The following IP6K3 variants were observed in gnomAD, a reference collection of about 807,000 sequenced individuals.
The protein encoded by IP6K3 is inositol hexakisphosphate kinase 3, also known as ATP:1D-myo-inositol-hexakisphosphate phosphotransferase.
IP6K3 carries 20 observed loss-of-function variants against 28.8 expected under a neutral mutation model. The ratio of observed to expected loss-of-function variants is 0.70; its 90% CI spans 0.49 to 1.01. The LOEUF (loss-of-function observed/expected upper bound fraction) is 1.01. Among genes scored for constraint, IP6K3 ranks in the 50% least tolerant of loss-of-function variants. The pLI, the probability that IP6K3 is intolerant of heterozygous loss-of-function variation, is 0.00. For synonymous variants in IP6K3, 213 were observed against 221.3 expected (o/e 0.96, Z 0.33); for missense variants, 480 against 537.1 (o/e 0.89, Z 1.05).
At chr6:33,755,403 G>A in the IP6K3 span, among the ~76,000 whole-genome samples, 2 of 152,266 alleles carry the variant, frequency 1.3e-5, no homozygotes, top group Non-Finnish European at 2.9e-5. Context: ...GCAGTGCCGG[G>A]AAGGGCAGCC....
the IP6K3 span, among the ~76,000 whole-genome samples, chr6:33,755,362 C>T: frequency 6.6e-6 from 1 of 152,242 alleles, no homozygotes; most frequent in African/African-American, 2.4e-5. Context: ...AGTTCACCTT[C>T]CCAGACTGGG....
intron 4 of IP6K3, among the ~76,000 whole-genome samples, chr6:33,725,841 T>C (rs1434807881): frequency 6.6e-6 from 1 of 152,092 alleles, no homozygotes; most frequent in Non-Finnish European, 1.5e-5. Context: ...AGTTTATGAG[T>C]ATGTGAGCTT....
At chr6:33,756,339 T>A in the IP6K3 span, among the ~76,000 whole-genome samples, 1 of 151,774 alleles carries the variant, frequency 6.6e-6, no homozygotes, top group Non-Finnish European at 1.5e-5. Context: ...GGATTGCCAG[T>A]GTGTAGATGT....
the IP6K3 span, among the ~76,000 whole-genome samples, chr6:33,755,911 C>A: frequency 1.3e-5 from 2 of 152,214 alleles, no homozygotes; most frequent in East Asian, 3.8e-4. Flanking sequence ...GTCACCCAGG[C>A]TGGAGTGCAA....
intron 3 of IP6K3, among the ~76,000 whole-genome samples, chr6:33,727,143 G>A (rs1766149651): frequency 6.6e-6 from 1 of 152,198 alleles, no homozygotes; most frequent in Middle Eastern, 3.2e-3. Flanking sequence ...ATTAGAACAT[G>A]TTGCCCCCTT....
At position 33,725,505 on chromosome 6, in the gene IP6K3, C is replaced by A; in HGVS notation, c.701G>T (p.Arg234Leu). 6.2e-7 allele frequency: 1 copy of A among 1,613,918 alleles called. No homozygotes were observed. Among genetic ancestry groups the A allele is most frequent in the East Asian group, 2.2e-5 (1 of 44,888 alleles). Reference sequence around the variant, plus strand: ...GCTCTGCGCACACTTCCTCATGTGGCGGGCCTTCTTCTCCTCCGATGCATC... The same window carrying A: ...GCTCTGCGCACACTTCCTCATGTGGAGGGCCTTCTTCTCCTCCGATGCATC... ...GDDASEEKKARHMRKCAQSTS... is the reference protein window; with the variant it reads ...GDDASEEKKALHMRKCAQSTS... Residue 234 changes from arginine to leucine, a missense_variant, in exon 5 of 6, where the codon CGC becomes CTC. Physicochemically the swap from Arg to Leu is moderately radical, Grantham distance 102 (BLOSUM62 -2). Coordinates refer to ENST00000293756, the MANE Select transcript of IP6K3 (RefSeq NM_054111.5).
In IP6K3 at chr6:33,724,304, G is replaced by A. The variant is rs181293695; in HGVS notation, c.766-1117C>T. Among the ~76,000 whole-genome samples, 373 of 152,298 alleles carry A rather than the reference G, an allele frequency of 2.4e-3. 1 individual carries two copies. The highest frequency in any genetic ancestry group is 8.3e-3 in the African/African-American group (347 of 41,564). ...AAATCATCACACTCCATTCTCTTGAGGACTACATTCCCGGCTTTCCAAAGG... is the reference window on the plus strand; with the variant it reads ...AAATCATCACACTCCATTCTCTTGAAGACTACATTCCCGGCTTTCCAAAGG... On this transcript the variant is annotated intron_variant, in intron 5 of 5. Coordinates refer to ENST00000293756, the MANE Select transcript of IP6K3 (RefSeq NM_054111.5).
intron 1 of IP6K3, among the ~76,000 whole-genome samples, chr6:33,739,843 C>T (rs1766656640): frequency 6.6e-6 from 1 of 152,242 alleles, no homozygotes; most frequent in African/African-American, 2.4e-5. Context: ...CTGGAGCTTG[C>T]TGAGGCCTGA....
Position 33,744,264 on chromosome 6 carries a change from C to T in IP6K3, c.-180+2494G>A, listed in dbSNP as rs1410965316. On this transcript the variant is annotated intron_variant, in intron 1 of 5. Transcript: ENST00000293756. This position sits in a 1 kb window ranked among gnomAD's most constrained non-coding sequence, Gnocchi z 4.4. ...TTTGGATATTGCTAAACACCCAGAC[C>T]TGCCTACACATTTCCCAGCCTCCAA... is the stretch of plus-strand genomic sequence containing the variant. Among the ~76,000 whole-genome samples, 1 of 152,222 alleles carries T rather than the reference C, an allele frequency of 6.6e-6. No homozygotes were observed. The highest frequency in any genetic ancestry group is 2.4e-5 in the African/African-American group (1 of 41,448).
chr6:33,753,887 C>T, the IP6K3 span, among the ~76,000 whole-genome samples: 1 of 152,124 alleles, frequency 6.6e-6, no homozygotes, highest in African/African-American at 2.4e-5. Context: ...CAGCTCACTG[C>T]AAGCTCTGCC....
At chr6:33,757,030 G>T in the IP6K3 span, among the ~76,000 whole-genome samples, 4 of 152,224 alleles carry the variant, frequency 2.6e-5, no homozygotes, top group Non-Finnish European at 5.9e-5. Flanking sequence ...CTGCTGCAAG[G>T]CCCCTCCGGC....
At chr6:33,734,089 G>C (rs1432528407) in intron 2 of IP6K3, among the ~76,000 whole-genome samples, 6 of 151,674 alleles carry the variant, frequency 4.0e-5, no homozygotes, top group Non-Finnish European at 8.8e-5. Flanking sequence ...TGTAATCCCA[G>C]TTACTCCGGA....
upstream of IP6K3, chr6:33,747,001 T>G (rs1766936531): frequency 6.6e-6 from 1 of 152,366 alleles, no homozygotes; most frequent in Admixed American, 6.5e-5. This position sits in a 1 kb window ranked among gnomAD's most constrained non-coding sequence, Gnocchi z 5.2. Flanking sequence ...AGCTGTCAGC[T>G]GGGTGTTCTG....
chr6:33,748,642 C>CAAAAAAAAA (rs35735336), upstream of IP6K3, among the ~76,000 whole-genome samples: 6 of 38,368 alleles, frequency 1.6e-4, no homozygotes, highest in African/African-American at 5.9e-4. Context: ...ACCCTGTCTC[C>CAAAAAAAAA]AAAAAAAAAA....
upstream of IP6K3, among the ~76,000 whole-genome samples, chr6:33,748,551 A>G (rs1277528882): frequency 6.7e-6 from 1 of 149,814 alleles, no homozygotes; most frequent in Non-Finnish European, 1.5e-5. Context: ...AGGCAGGAGG[A>G]ATGCTTGAGC....
At chr6:33,760,009 C>T in the IP6K3 span, among the ~76,000 whole-genome samples, 1 of 152,200 alleles carries the variant, frequency 6.6e-6, no homozygotes, top group Non-Finnish European at 1.5e-5. Flanking sequence ...GGTGGCATGG[C>T]TAAGGACTCA....
intron 1 of IP6K3, among the ~76,000 whole-genome samples, chr6:33,738,045 T>C (rs1301864680): frequency 1.3e-5 from 2 of 152,196 alleles, no homozygotes; most frequent in Non-Finnish European, 2.9e-5. Context: ...CCAATCCTAC[T>C]TGCAAATTTG....
upstream of IP6K3, among the ~76,000 whole-genome samples, chr6:33,750,769 C>T (rs1402975693): frequency 1.3e-5 from 2 of 152,176 alleles, no homozygotes; most frequent in Non-Finnish European, 1.5e-5. The surrounding 1 kb of genome is among the most constrained non-coding windows in gnomAD (Gnocchi z 4.3). Context: ...GTTTCCTTTC[C>T]TCTCCCTGAC....
At chr6:33,755,669 CCA>C in the IP6K3 span, among the ~76,000 whole-genome samples, 322 of 152,352 alleles carry the variant, frequency 2.1e-3, 1 homozygote, top group African/African-American at 7.3e-3. Context: ...AGGCTGCCTG[CCA>C]CACCCACTGG....
Sources: gnomAD v4.1 joint callset for allele counts (sites outside exome capture counted in the v4.1 genomes callset) on GRCh38, gnomAD v4.1.1 for gene constraint, Gnocchi (gnomAD v3.1) non-coding constraint, MANE v1.5 for transcripts, NCBI Gene and HGNC (gene_info 2026-07-23, HGNC 2026-07-21) for gene names.